SLC23A2: variants seen among roughly 807,000 people sequenced by gnomAD.
SLC23A2 encodes Na(+)/L-ascorbic acid transporter 2.
A neutral mutation model predicts 73.3 loss-of-function variants in SLC23A2; 36 were observed. That is an observed-to-expected ratio of 0.49 (90% CI 0.38 to 0.65). SLC23A2 has a LOEUF of 0.65. Ranked by LOEUF, SLC23A2 falls within the 30% of genes least tolerant of loss-of-function variation. The pLI is 0.00. For synonymous variants in SLC23A2, 343 were observed against 327.3 expected, an observed-to-expected ratio of 1.05 and a Z score of -0.52; for missense variants, 507 against 841.6, an observed-to-expected ratio of 0.60 and a Z score of 4.92.
At position 4,887,377 on chromosome 20, in the gene SLC23A2, CTGGTTTACCA is replaced by C. The variant is rs1257669294; in HGVS notation, c.483-1478_483-1469del. ...CTGTATGGAATGGTCCAAATGCCAT[CTGGTTTACCA>C]TGGTTTCAGACTTCAACCAGTGCAT... On this transcript the variant is annotated intron_variant, in intron 6 of 16. Transcript: ENST00000338244. 7.4e-4 allele frequency among the ~76,000 whole-genome samples: 112 copies of C among 152,352 alleles called. 1 individual carries two copies. The highest frequency in any genetic ancestry group is 7.7e-4 in the East Asian group (4 of 5,186).
intron 1 of SLC23A2, among the ~76,000 whole-genome samples, chr20:4,986,649 T>TACATACACAC (rs371305536): frequency 1.1e-4 from 14 of 129,802 alleles, no homozygotes; most frequent in South Asian, 2.8e-4. Flanking sequence ...CATACACACA[T>TACATACACAC]ACACACACAC....
chr20:4,996,229 C>A (rs2088018043), intron 1 of SLC23A2, among the ~76,000 whole-genome samples: 1 of 152,066 alleles, frequency 6.6e-6, no homozygotes, highest in Non-Finnish European at 1.5e-5. Context: ...GAGAAGCGCA[C>A]CTTATCAAAC....
upstream of SLC23A2, among the ~76,000 whole-genome samples, chr20:5,002,216 C>T (rs2088138588): frequency 6.6e-6 from 1 of 152,136 alleles, no homozygotes; most frequent in Non-Finnish European, 1.5e-5. Flanking sequence ...GCTGGGCAGC[C>T]TCACTTTGAG....
intron 2 of SLC23A2, among the ~76,000 whole-genome samples, chr20:4,960,110 A>G (rs1433487036): frequency 6.6e-6 from 1 of 152,162 alleles, no homozygotes; most frequent in Non-Finnish European, 1.5e-5. Context: ...GGCTTTATTT[A>G]TAATAGCCAA....
chr20:4,917,879 TA>T (rs1932382557), intron 3 of SLC23A2, among the ~76,000 whole-genome samples: 1 of 152,252 alleles, frequency 6.6e-6, no homozygotes, highest in African/African-American at 2.4e-5. Flanking sequence ...AGTTCTTGCC[TA>T]AATGGTTCTT....
At chr20:4,994,953 G>C (rs74988058) in intron 1 of SLC23A2, among the ~76,000 whole-genome samples, 1,926 of 151,808 alleles carry the variant, frequency 0.013, 39 homozygotes, top group African/African-American at 0.042. Flanking sequence ...AAAGAAAAAA[G>C]AAAGAAAGAA....
At chr20:4,965,526 C>T (rs909087604) in intron 2 of SLC23A2, among the ~76,000 whole-genome samples, 1 of 152,088 alleles carries the variant, frequency 6.6e-6, no homozygotes, top group Non-Finnish European at 1.5e-5. Flanking sequence ...AATCCCAGTA[C>T]TTTGGGAGGC....
intron 13 of SLC23A2, among the ~76,000 whole-genome samples, chr20:4,865,616 G>A (rs776912563): frequency 2.6e-5 from 4 of 152,070 alleles, no homozygotes; most frequent in African/African-American, 9.7e-5. Context: ...GAAGGAGGAG[G>A]CTTGTTACAC....
intron 2 of SLC23A2, among the ~76,000 whole-genome samples, chr20:4,953,039 G>A (rs1023574717): frequency 2.0e-5 from 3 of 150,770 alleles, no homozygotes; most frequent in African/African-American, 7.3e-5. Flanking sequence ...CTGGCGCGGT[G>A]ACTCATGCCT....
At chr20:5,004,423 C>A (rs755084402), upstream of SLC23A2, among the ~76,000 whole-genome samples, 1 of 152,134 alleles carries the variant, frequency 6.6e-6, no homozygotes, top group Non-Finnish European at 1.5e-5. Context: ...TGTTAACCAT[C>A]GAAAAAGTTT....
intron 1 of SLC23A2, among the ~76,000 whole-genome samples, chr20:4,990,380 T>G (rs1206152935): frequency 6.6e-6 from 1 of 150,680 alleles, no homozygotes; most frequent in Non-Finnish European, 1.5e-5. Context: ...TATTTTATGG[T>G]TTTTTTTGAG....
chr20:4,935,985 G>T (rs2122952620), intron 2 of SLC23A2, among the ~76,000 whole-genome samples: 1 of 152,062 alleles, frequency 6.6e-6, no homozygotes, highest in East Asian at 1.9e-4. Flanking sequence ...TTTCTATAAT[G>T]TTTACAGAGC....
intron 1 of SLC23A2, among the ~76,000 whole-genome samples, chr20:5,008,409 G>A (rs1384194194): frequency 6.6e-6 from 1 of 152,130 alleles, no homozygotes; most frequent in Non-Finnish European, 1.5e-5. Flanking sequence ...GGTGGGCACG[G>A]ATCTATGCCC....
chr20:4,949,389 G>T (rs749031165), intron 2 of SLC23A2, among the ~76,000 whole-genome samples: 1 of 151,372 alleles, frequency 6.6e-6, no homozygotes, highest in Non-Finnish European at 1.5e-5. Flanking sequence ...TACTTACATC[G>T]TTTTTACTTT....
At chr20:4,962,999 A>C (rs923816396) in intron 2 of SLC23A2, among the ~76,000 whole-genome samples, 4 of 152,282 alleles carry the variant, frequency 2.6e-5, no homozygotes, top group Non-Finnish European at 4.4e-5. Context: ...ACTATCTCAA[A>C]AAAAGTTGCC....
intron 1 of SLC23A2, among the ~76,000 whole-genome samples, chr20:4,994,676 G>T (rs1204097332): frequency 6.6e-6 from 1 of 151,882 alleles, no homozygotes; most frequent in African/African-American, 2.4e-5. Flanking sequence ...CAGAAGAATC[G>T]CTTGAACCCA....
intron 2 of SLC23A2, among the ~76,000 whole-genome samples, chr20:4,938,546 C>T (rs1245129170): frequency 6.6e-6 from 1 of 151,976 alleles, no homozygotes; most frequent in Non-Finnish European, 1.5e-5. Flanking sequence ...AGGCTGGTCT[C>T]GAACTCCCGA....
At chr20:4,957,300 A>T (rs993741072) in intron 2 of SLC23A2, among the ~76,000 whole-genome samples, 15 of 151,722 alleles carry the variant, frequency 9.9e-5, no homozygotes, top group East Asian at 1.9e-4. Context: ...GTACAAAAAA[A>T]TTTTTTTTCT....
intron 1 of SLC23A2, among the ~76,000 whole-genome samples, chr20:5,006,948 CGTGTGTGT>C (rs375441910): frequency 4.0e-4 from 59 of 148,126 alleles, no homozygotes; most frequent in African/African-American, 1.3e-3. Flanking sequence ...CCTGAAATGA[CGTGTGTGT>C]GTGTGTGTGT....
Sources: gnomAD v4.1 joint callset for allele counts (sites outside exome capture counted in the v4.1 genomes callset) on GRCh38, gnomAD v4.1.1 for gene constraint, MANE v1.5 for transcripts, NCBI Gene and HGNC (gene_info 2026-07-23, HGNC 2026-07-21) for gene names.